Variants in ADGB observed in about 807,000 individuals in gnomAD.
The protein encoded by ADGB is androglobin.
ADGB carries 172 observed loss-of-function variants against 210.5 expected under a neutral mutation model. The observed-to-expected ratio is 0.82, with a 90% confidence interval of 0.72 to 0.93. The LOEUF (loss-of-function observed/expected upper bound fraction) is 0.93, where lower values mean the gene tolerates loss of function less well. ADGB is among the 40% of genes least tolerant of loss of function. ADGB has a pLI of 0.00. For missense variants in ADGB, 2,025 were observed against 1,964.8 expected (o/e 1.03, Z -0.58); for synonymous variants, 658 against 662.7 (o/e 0.99, Z 0.11).
intron 2 of ADGB, among the ~76,000 whole-genome samples, chr6:146,638,061 C>A (rs1253413602): frequency 6.6e-6 from 1 of 152,006 alleles, no homozygotes; most frequent in Non-Finnish European, 1.5e-5. Flanking sequence ...GCTTCACTCG[C>A]AGGATGCAAG....
intron 35 of ADGB, among the ~76,000 whole-genome samples, chr6:146,805,498 G>A (rs1188886301): frequency 1.3e-5 from 2 of 152,066 alleles, no homozygotes; most frequent in African/African-American, 4.8e-5. Context: ...TAAAATGAAG[G>A]TAGAATTATT....
intron 1 of ADGB, among the ~76,000 whole-genome samples, chr6:146,631,237 A>G (rs1162789995): frequency 6.6e-6 from 1 of 152,222 alleles, no homozygotes; most frequent in Non-Finnish European, 1.5e-5. Flanking sequence ...GTGACTTAAC[A>G]CTACAAAGAA....
chr6:146,627,922 T>C (rs2114850704), intron 1 of ADGB, among the ~76,000 whole-genome samples: 1 of 152,276 alleles, frequency 6.6e-6, no homozygotes, highest in Admixed American at 6.5e-5. Flanking sequence ...CATTTGTTTC[T>C]CATCTTTCAG....
intron 35 of ADGB, among the ~76,000 whole-genome samples, chr6:146,811,745 C>G (rs1583651864): frequency 6.6e-6 from 1 of 152,142 alleles, no homozygotes; most frequent in African/African-American, 2.4e-5. Context: ...GACCTCAGCT[C>G]ACTGCAACCT....
chr6:146,716,555 T>TGCAGTCC (rs1360925754), intron 14 of ADGB, among the ~76,000 whole-genome samples: 1 of 105,472 alleles, frequency 9.5e-6, no homozygotes, highest in Non-Finnish European at 1.6e-5. Context: ...ATTGCGCCAC[T>TGCAGTCC]GCAGTCCGCA....
chr6:146,676,313 A>G lies in ADGB; in HGVS notation c.1088A>G (p.Glu363Gly), dbSNP rs1355396229. ...TTATTGTGATTTTTTCATATGTTAGAGAAAGCAGATGCAAGAGACATTGGA... is the reference window on the plus strand; with the variant it reads ...TTATTGTGATTTTTTCATATGTTAGGGAAAGCAGATGCAAGAGACATTGGA... The part of the protein sequence containing the change: ...APEKSDKVPK[E>G]KADARDIGKK... Residue 363 changes from glutamate (E) to glycine (G), a missense_variant and splice_region_variant, in exon 9 of 36, where the codon GAG (glutamate) becomes GGG (glycine). Glu to Gly is a moderately conservative substitution (Grantham distance 98). Coordinates refer to ENST00000397944, the MANE Select transcript of ADGB (RefSeq NM_024694.4). 3.9e-6 allele frequency: 6 copies of G among 1,541,514 alleles called. No individual in the cohort carries two copies. In the East Asian group the frequency reaches 1.2e-4, roughly 32 times the overall value.
chr6:146,762,032 T>G (rs754203307), intron 27 of ADGB, among the ~76,000 whole-genome samples: 4 of 152,112 alleles, frequency 2.6e-5, no homozygotes, highest in African/African-American at 7.2e-5. Context: ...ACACCCATCA[T>G]TGGATTTAGG....
At position 146,740,573 on chromosome 6, in the gene ADGB, T is replaced by A; in HGVS notation, c.3003T>A (p.Asn1001Lys). The A allele has an allele frequency of 6.4e-7, 1 of 1,550,746 alleles. No individual in the cohort carries two copies. Among genetic ancestry groups the A allele is most frequent in the Non-Finnish European group, 8.7e-7 (1 of 1,146,524 alleles). ...YTVTYQEQPP[N>K]SWFIVFRETF... Reference sequence around the variant, plus strand: ...TGACTTATCAAGAACAGCCACCAAATTCTTGGTTTATAGTATTCAGGTGAG... The same window carrying A: ...TGACTTATCAAGAACAGCCACCAAAATCTTGGTTTATAGTATTCAGGTGAG... The change falls in exon 24 of 36, where the codon AAT becomes AAA. Residue 1001 changes from asparagine to lysine, a missense_variant. Asn to Lys is a moderately conservative substitution (Grantham distance 94, BLOSUM62 0). Transcript: ENST00000397944.
chr6:146,665,407 A>G (rs1487273518), intron 6 of ADGB, among the ~76,000 whole-genome samples: 1 of 151,946 alleles, frequency 6.6e-6, no homozygotes, highest in Non-Finnish European at 1.5e-5. Context: ...AATTGCAATG[A>G]TTTTCATAAA....
chr6:146,765,496 A>C (rs1254481967), intron 28 of ADGB, among the ~76,000 whole-genome samples: 1 of 151,864 alleles, frequency 6.6e-6, no homozygotes, highest in Non-Finnish European at 1.5e-5. Flanking sequence ...ATAAAATCCA[A>C]ACTATCCCTA....
At chr6:146,606,673 C>T (rs991462688) in intron 1 of ADGB, among the ~76,000 whole-genome samples, 1 of 152,166 alleles carries the variant, frequency 6.6e-6, no homozygotes, top group African/African-American at 2.4e-5. Context: ...TTCCACATTG[C>T]TTGTTATTGT....
In ADGB at chr6:146,631,471, G is replaced by T. The variant is rs977951392; in HGVS notation, c.75-3904G>T. Reference sequence around the variant, plus strand: ...ACATAGTGCTAGCCAAACTGCAAAAGAAATGGAAACAGGATCGGTAGGCTT... The same window carrying T: ...ACATAGTGCTAGCCAAACTGCAAAATAAATGGAAACAGGATCGGTAGGCTT... On this transcript the variant is annotated intron_variant, in intron 1 of 35. Coordinates refer to ENST00000397944, the MANE Select transcript of ADGB (RefSeq NM_024694.4). Among the ~76,000 whole-genome samples the T allele has an allele frequency of 3.3e-5, 5 of 152,288 alleles. No individual in the cohort carries two copies. In the South Asian group the frequency reaches 6.2e-4, roughly 19 times the overall value.
At chr6:146,744,031 G>C (rs567121624) in intron 25 of ADGB, among the ~76,000 whole-genome samples, 2 of 152,258 alleles carry the variant, frequency 1.3e-5, no homozygotes, top group Non-Finnish European at 2.9e-5. Context: ...CATAATTCTT[G>C]ATCTTTGAAC....
chr6:146,627,478 C>T (rs970118369), intron 1 of ADGB, among the ~76,000 whole-genome samples: 14 of 152,112 alleles, frequency 9.2e-5, no homozygotes, highest in South Asian at 6.2e-4. Context: ...AGATTTGTTA[C>T]GTGGAACCAG....
chr6:146,664,972 A>C (rs1000559959), intron 6 of ADGB, among the ~76,000 whole-genome samples: 2 of 152,104 alleles, frequency 1.3e-5, no homozygotes, highest in African/African-American at 4.8e-5. Flanking sequence ...AAAAGGAGTC[A>C]TACCATCCTG....
rs893865960 is a variant in ADGB at position 146,674,356 on chromosome 6, GT to G, written c.1087+1900del. Among the ~76,000 whole-genome samples, 18 of 147,918 alleles carry G rather than the reference GT, an allele frequency of 1.2e-4. No homozygotes were observed. The Middle Eastern group carries it at 0.014, about 116-fold the overall frequency. On this transcript the variant is annotated intron_variant, in intron 8 of 35. Coordinates refer to ENST00000397944, the MANE Select transcript of ADGB (RefSeq NM_024694.4). ...TTGTGAATCTAGTGAAGGAAAATTG[GT>G]TTTTTTTTTTAAGTGATGACTGGGA...
At chr6:146,813,453 AT>A (rs200164048) in intron 35 of ADGB, among the ~76,000 whole-genome samples, 100 of 151,322 alleles carry the variant, frequency 6.6e-4, no homozygotes, top group African/African-American at 2.2e-3. Flanking sequence ...AGATGCAGAA[AT>A]TTTTTTTCTC....
rs1337975031 is a variant in ADGB, at chr6:146,664,223, T to C, written c.635T>C (p.Ile212Thr). The C allele has an allele frequency of 3.2e-5, 49 of 1,547,788 alleles. No individual in the cohort carries two copies. Among genetic ancestry groups the C allele is most frequent in the Non-Finnish European group, 4.2e-5 (48 of 1,145,206 alleles). ...YWMGCWRKIT[I>T]DDFLPFDEDN... ...TAGGGTTGCTGGAGAAAGATAACAA[T>C]TGATGACTTTTTGCCTTTTGATGAA... is the stretch of plus-strand genomic sequence containing the variant. The change falls in exon 6 of 36, where the codon ATT becomes ACT. Residue 212 changes from isoleucine (I) to threonine (T), a missense_variant. Ile to Thr is a moderately conservative substitution (Grantham distance 89, BLOSUM62 -1). Coordinates refer to ENST00000397944, the MANE Select transcript of ADGB (RefSeq NM_024694.4).
chr6:146,692,416 C>T (rs908213649), intron 11 of ADGB, among the ~76,000 whole-genome samples: 1 of 152,134 alleles, frequency 6.6e-6, no homozygotes, highest in African/African-American at 2.4e-5. Context: ...CTGCCGTATT[C>T]ATATGTTAGT....
Sources: gnomAD v4.1 joint callset for allele counts (sites outside exome capture counted in the v4.1 genomes callset) on GRCh38, gnomAD v4.1.1 for gene constraint, MANE v1.5 for transcripts, NCBI Gene and HGNC (gene_info 2026-07-23, HGNC 2026-07-21) for gene names.